Variants in NLRP9 observed in about 807,000 individuals in gnomAD.
NLRP9 encodes the protein NLR family pyrin domain containing 9.
A neutral mutation model predicts 83.1 loss-of-function variants in NLRP9; 88 were observed. The ratio of observed to expected loss-of-function variants is 1.06; its 90% CI spans 0.89 to 1.26. NLRP9 has a LOEUF of 1.26. NLRP9 is among the 50% of genes most tolerant of loss of function. NLRP9 has a pLI of 0.00. For missense variants in NLRP9, 1,308 were observed against 1,179.3 expected, an observed-to-expected ratio of 1.11 and a Z score of -1.60; for synonymous variants, 521 against 447.6, an observed-to-expected ratio of 1.16 and a Z score of -2.07.
At position 55,711,934 on chromosome 19, in the gene NLRP9, G is replaced by A. The variant is rs748359649; in HGVS notation, c.2709C>T (p.Asp903=). 1.7e-5 allele frequency: 28 copies of A among 1,613,130 alleles called. No homozygotes were observed. Among genetic ancestry groups the A allele is most frequent in the East Asian group, 2.2e-5 (1 of 44,870 alleles). The change falls in exon 8 of 9, where the codon GAC becomes GAT. Residue 903 remains aspartate, a synonymous_variant. Transcript: ENST00000332836. The part of the protein sequence containing the change: ...QTCPITRACC[D]DIAAALIACK... ...AGGCGATGAGTGCTGCGGCGATGTC[G>A]TCGCAGCAGGCACGGGTGATCGGAC...
chr19:55,725,607 G>A (rs568120088), intron 3 of NLRP9, among the ~76,000 whole-genome samples: 28 of 152,278 alleles, frequency 1.8e-4, no homozygotes, highest in African/African-American at 6.7e-4. Flanking sequence ...TGACACCCAG[G>A]TACCACCTGC....
chr19:55,708,973 A>G lies in NLRP9; in HGVS notation c.2915T>C (p.Leu972Pro). ...LMSVEEKIPH[L>P]TISHGPWIDE... Reference sequence around the variant, plus strand: ...AATCCAAGGTCCATGTGAAATGGTCAGATGGGGAATTTTTTCTTCCACAGA... The same window carrying G: ...AATCCAAGGTCCATGTGAAATGGTCGGATGGGGAATTTTTTCTTCCACAGA... The change falls in exon 9 of 9, where the codon CTG (leucine) becomes CCG (proline). Residue 972 changes from leucine (L) to proline (P), a missense_variant. Physicochemically the swap from Leu to Pro is moderately conservative, Grantham distance 98. Coordinates refer to ENST00000332836, the MANE Select transcript of NLRP9 (RefSeq NM_176820.4). 6.3e-7 allele frequency: 1 copy of G among 1,593,660 alleles called. No individual in the cohort carries two copies.
intron 8 of NLRP9, among the ~76,000 whole-genome samples, chr19:55,710,110 C>T (rs896206110): frequency 2.0e-5 from 3 of 152,176 alleles, no homozygotes; most frequent in African/African-American, 7.2e-5. Flanking sequence ...CTTTCAGCTA[C>T]AGCGACACTA....
At chr19:55,728,183 C>G (rs553399944) in intron 3 of NLRP9, among the ~76,000 whole-genome samples, 1 of 152,132 alleles carries the variant, frequency 6.6e-6, no homozygotes, top group East Asian at 1.9e-4. Context: ...CTGAAGGAAA[C>G]CAGACATTCA....
chr19:55,711,975 A>C lies in NLRP9; in HGVS notation c.2673-5T>G, dbSNP rs765094459. On this transcript the variant is annotated splice_polypyrimidine_tract_variant and splice_region_variant and intron_variant, in intron 7 of 8. Transcript: ENST00000332836. ...GTGATCGGACACGTTTGCAGCCTGC[A>C]AAAGGGAAACACACCAGAGAATCCA... 7 of 1,611,388 alleles carry C rather than the reference A, an allele frequency of 4.3e-6. No individual in the cohort carries two copies. Among genetic ancestry groups the C allele is most frequent in the Non-Finnish European group, 5.9e-6 (7 of 1,178,790 alleles).
rs542424833 is a variant in NLRP9 at position 55,730,844 on chromosome 19, C to T, written c.1833-852G>A. ...TACCTGGGTGATGGGATGCTCTGCC[C>T]AGCAAATCACCATGACACACGCTTA... On this transcript the variant is annotated intron_variant, in intron 2 of 8. Transcript: ENST00000332836. Among the ~76,000 whole-genome samples the T allele has an allele frequency of 1.6e-4, 24 of 152,144 alleles. No individual in the cohort carries two copies. In the East Asian group the frequency reaches 4.0e-3, roughly 26 times the overall value.
At position 55,724,104 on chromosome 19, in the gene NLRP9, T is replaced by G. The variant is rs1988324819; in HGVS notation, c.2035A>C (p.Lys679Gln). 2 of 1,613,326 alleles carry G rather than the reference T, an allele frequency of 1.2e-6. No homozygotes were observed. The highest frequency in any genetic ancestry group is 1.7e-4 in the Middle Eastern group (1 of 6,058). ...AGATGAGGGTTGTGAAGAACTGCCT[T>G]AAATAATTCTGAATCATGTCCAAAG... ...VYFGHDSELF[K>Q]AVLHNPHLKL... is the part of the protein sequence containing the mutation. Residue 679 changes from lysine (K) to glutamine (Q), a missense_variant, in exon 4 of 9, where the codon AAG becomes CAG. Coordinates refer to ENST00000332836, the MANE Select transcript of NLRP9 (RefSeq NM_176820.4).
intron 1 of NLRP9, among the ~76,000 whole-genome samples, chr19:55,734,816 G>A (rs1040925213): frequency 1.3e-5 from 2 of 151,634 alleles, no homozygotes; most frequent in East Asian, 1.9e-4. Context: ...TGTATTTTTC[G>A]TAGATACAGG....
In NLRP9 at chr19:55,716,658, CTTTGATAATG is replaced by C. The variant is rs1373876040; in HGVS notation, c.2330+60_2330+69del. 1.7e-5 allele frequency: 23 copies of C among 1,353,454 alleles called. No homozygotes were observed. In the Admixed American group the frequency reaches 3.7e-4, roughly 22 times the overall value. 83.8% of individuals were successfully genotyped at this position (1,353,454 alleles called of 1,614,324 possible). ...GCACCCCTCAGTGAGCACCGCGTTG[CTTTGATAATG>C]GGTGGATCCAGGTGCACGCTTCAGA... On this transcript the variant is annotated intron_variant, in intron 5 of 8. Transcript: ENST00000332836.
intron 3 of NLRP9, among the ~76,000 whole-genome samples, chr19:55,728,250 G>A (rs1988457937): frequency 6.6e-6 from 1 of 152,136 alleles, no homozygotes; most frequent in African/African-American, 2.4e-5. Context: ...TATCAGTCAG[G>A]TTGGTGGAAA....
rs766279851 is a variant in NLRP9, at chr19:55,716,725, T to TA, written c.2330+2dup. On this transcript the variant is annotated splice_region_variant and intron_variant, in intron 5 of 8. Transcript: ENST00000332836. ...CGAACGTGCTTCCCGCAGACCAACT[T>TA]ACATCAGCCTCTCCAGGGCACAGTG... The TA allele has an allele frequency of 1.3e-4, 212 of 1,612,674 alleles. No individual in the cohort carries two copies. Among genetic ancestry groups the TA allele is most frequent in the Non-Finnish European group, 1.7e-4 (201 of 1,178,880 alleles).
chr19:55,716,271 T>C (rs1410127049), intron 5 of NLRP9, among the ~76,000 whole-genome samples: 2 of 149,646 alleles, frequency 1.3e-5, no homozygotes, highest in Non-Finnish European at 3.0e-5. Context: ...TTTTTTTTTT[T>C]TTTTTGAGAT....
intron 2 of NLRP9, among the ~76,000 whole-genome samples, chr19:55,730,754 T>C (rs898572380): frequency 6.6e-6 from 1 of 152,042 alleles, no homozygotes; most frequent in South Asian, 2.1e-4. Flanking sequence ...CTGGGGCCTG[T>C]TGGAGTGTGG....
At chr19:55,709,254 G>T in intron 8 of NLRP9, 1 of 348,308 alleles carries the variant, frequency 2.9e-6, no homozygotes. Context: ...TCATATACAG[G>T]ATGTATCAAT....
At chr19:55,718,605 T>C (rs1988112346) in intron 4 of NLRP9, among the ~76,000 whole-genome samples, 1 of 152,238 alleles carries the variant, frequency 6.6e-6, no homozygotes, top group South Asian at 2.1e-4. Context: ...CTTGAACTTA[T>C]TCATGATACA....
At chr19:55,711,358 T>C (rs1214366332) in intron 8 of NLRP9, 2 of 1,153,034 alleles carry the variant, frequency 1.7e-6, no homozygotes, top group South Asian at 1.9e-5. Flanking sequence ...GCAAACCTAA[T>C]TTTCAGAACA....
chr19:55,733,118 T>G lies in NLRP9; in HGVS notation c.713A>C (p.Gln238Pro), dbSNP rs778783769. 2.5e-6 allele frequency: 4 copies of G among 1,614,170 alleles called. No individual in the cohort carries two copies. The South Asian group carries it at 3.3e-5, about 13-fold the overall frequency. Reference sequence around the variant, plus strand: ...ATCATCGCTCAAGTCAGCCTTAAGTTGTAAGTTAAACTTCAGTTGCTCAAA... The same window carrying G: ...ATCATCGCTCAAGTCAGCCTTAAGTGGTAAGTTAAACTTCAGTTGCTCAAA... ...DGFEQLKFNL[Q>P]LKADLSDDWR... is the part of the protein sequence containing the mutation. Residue 238 changes from glutamine (Q) to proline (P), a missense_variant, in exon 2 of 9, where the codon CAA (glutamine) becomes CCA (proline). Coordinates refer to ENST00000332836, the MANE Select transcript of NLRP9 (RefSeq NM_176820.4).
At position 55,732,830 on chromosome 19, in the gene NLRP9, CACAAGATAA is replaced by C. The variant is rs778962011; in HGVS notation, c.992_1000del (p.Phe331_Leu333del). 7 of 1,614,156 alleles carry C rather than the reference CACAAGATAA, an allele frequency of 4.3e-6. No homozygotes were observed. The South Asian group carries it at 7.7e-5, about 18-fold the overall frequency. On this transcript the variant is annotated inframe_deletion, in exon 2 of 9. Coordinates refer to ENST00000332836, the MANE Select transcript of NLRP9 (RefSeq NM_176820.4). The stretch of plus-strand genomic sequence containing the variant: ...CAACCAGCACGTAAAGGGATTATGG[CACAAGATAA>C]ACAGCGGCCCATTATCTCTCACAAA...
At position 55,716,726 on chromosome 19, in the gene NLRP9, A is replaced by G; in HGVS notation, c.2330+2T>C. The G allele has an allele frequency of 1.2e-6, 2 of 1,612,834 alleles. No individual in the cohort carries two copies. The highest frequency in any genetic ancestry group is 8.5e-7 in the Non-Finnish European group (1 of 1,179,018). On this transcript the variant is annotated splice_donor_variant, in intron 5 of 8. Transcript: ENST00000332836. LOFTEE classifies it high-confidence loss of function. ...GAACGTGCTTCCCGCAGACCAACTT[A>G]CATCAGCCTCTCCAGGGCACAGTGT...
Sources: allele counts gnomAD v4.1 joint callset (sites outside exome capture counted in the v4.1 genomes callset), GRCh38; gene constraint gnomAD v4.1.1; transcripts MANE v1.5; gene names NCBI Gene and HGNC (gene_info 2026-07-23, HGNC 2026-07-21).